Variants in HEPACAM observed in about 807,000 individuals in gnomAD.
HEPACAM encodes hepatic and glial cell adhesion molecule, also known as hepatocyte cell adhesion molecule.
Under a neutral mutation model 38.3 loss-of-function variants are expected in HEPACAM, and 18 were observed. That is an observed-to-expected ratio of 0.47 (90% CI 0.33 to 0.70). The LOEUF (loss-of-function observed/expected upper bound fraction) is 0.70. Ranked by LOEUF, HEPACAM falls within the 30% of genes least tolerant of loss-of-function variation. The pLI, the probability that HEPACAM is intolerant of heterozygous loss-of-function variation, is 0.03. For synonymous variants in HEPACAM, 216 were observed against 243.1 expected (o/e 0.89, Z 1.04); for missense variants, 466 against 563.0 (o/e 0.83, Z 1.74).
chr11:124,935,705 C>A (rs1270538146), intron 1 of HEPACAM, among the ~76,000 whole-genome samples: 1 of 152,186 alleles, frequency 6.6e-6, no homozygotes, highest in African/African-American at 2.4e-5. Flanking sequence ...AGTCATGCAG[C>A]CTTTTGGGGG....
rs145764344 is a variant in HEPACAM at position 124,926,489 on chromosome 11, A to G, written c.86-1420T>C. Among the ~76,000 whole-genome samples, 143 of 152,296 alleles carry G rather than the reference A, an allele frequency of 9.4e-4. 1 individual carries two copies. The highest frequency in any genetic ancestry group is 3.3e-3 in the African/African-American group (138 of 41,558). ...CCAATGGATGCCCTATCCAGAGGGCATTTCAGAGACCTCTTAGGAGCTTTG... is the reference window on the plus strand; with the variant it reads ...CCAATGGATGCCCTATCCAGAGGGCGTTTCAGAGACCTCTTAGGAGCTTTG... On this transcript the variant is annotated intron_variant, in intron 1 of 6. Coordinates refer to ENST00000298251, the MANE Select transcript of HEPACAM (RefSeq NM_152722.5).
At chr11:124,922,667 C>A (rs767685101) in intron 5 of HEPACAM, 78 bp downstream of exon 5, 1 of 1,614,002 alleles carries the variant, frequency 6.2e-7, no homozygotes, top group Non-Finnish European at 8.5e-7. Context: ...TTTTCCTTGT[C>A]GCCCAGTTCT....
At chr11:124,935,812 T>A in intron 1 of HEPACAM, 110 bp downstream of exon 1, 1 of 851,288 alleles carries the variant, frequency 1.2e-6, no homozygotes, top group Non-Finnish European at 2.0e-6. Context: ...GCAGCTGAAC[T>A]CTCCCCCACT....
At position 124,923,912 on chromosome 11, in the gene HEPACAM, G is replaced by A. The variant is rs1947173383; in HGVS notation, c.526C>T (p.Pro176Ser). 4.3e-6 allele frequency: 7 copies of A among 1,613,466 alleles called. No individual in the cohort carries two copies. The highest frequency in any genetic ancestry group is 5.9e-6 in the Non-Finnish European group (7 of 1,179,988). ...CCATCCTTCAGCCAGGTGTAGCTGG[G>A]CTTGGTGCCATTCTCATGTGAGCAG... ...LNCSHENGTK[P>S]SYTWLKDGKP... The change falls in exon 3 of 7, where the codon CCC (proline) becomes TCC (serine). Residue 176 changes from proline (P) to serine (S), a missense_variant. Transcript: ENST00000298251.
At position 124,924,060 on chromosome 11, in the gene HEPACAM, T is replaced by C; in HGVS notation, c.428-50A>G. ...TGTAAGTCATTGGCTAAGAAGTGTC[T>C]CCCTTCCCCTTTTTAGCTCCCTGCC... is the stretch of plus-strand genomic sequence containing the variant. On this transcript the variant is annotated intron_variant, in intron 2 of 6. Transcript: ENST00000298251. The surrounding 1 kb of genome is among the most constrained non-coding windows in gnomAD (Gnocchi z 4.4). 1 of 1,550,644 alleles carries C rather than the reference T, an allele frequency of 6.4e-7. No individual in the cohort carries two copies. The highest frequency in any genetic ancestry group is 8.7e-7 in the Non-Finnish European group (1 of 1,149,346).
intron 1 of HEPACAM, among the ~76,000 whole-genome samples, chr11:124,933,667 G>T (rs775940928): frequency 2.9e-4 from 44 of 152,078 alleles, no homozygotes; most frequent in Non-Finnish European, 6.2e-4. Context: ...TCAACTCACT[G>T]TCTCCATACC....
chr11:124,934,227 C>T (rs1324967851), intron 1 of HEPACAM, among the ~76,000 whole-genome samples: 1 of 152,158 alleles, frequency 6.6e-6, no homozygotes, highest in African/African-American at 2.4e-5. Context: ...GTCACTAGCT[C>T]CTGACTTTAC....
At chr11:124,922,261 T>C in intron 6 of HEPACAM, 127 bp downstream of exon 6, 1 of 1,034,276 alleles carries the variant, frequency 9.7e-7, no homozygotes, top group Non-Finnish European at 1.5e-6. Context: ...TTGAAACCAG[T>C]CCCTGGTGCC....
rs760856351 is a variant in HEPACAM at position 124,924,976 on chromosome 11, G to A, written c.179C>T (p.Thr60Ile). 5.0e-6 allele frequency: 8 copies of A among 1,613,070 alleles called. No homozygotes were observed. The Admixed American group carries it at 1.0e-4, about 20-fold the overall frequency. ...SALLSVQYSS[T>I]SSDRPVVKWQ... ...CTTCACTACAGGCCTGTCGCTGCTG[G>A]TACTGCTGTACTGCACAGAAAGCAG... The change falls in exon 2 of 7, where the codon ACC (threonine) becomes ATC (isoleucine). Residue 60 changes from threonine (T) to isoleucine (I), a missense_variant. Transcript: ENST00000298251. This position sits in a 1 kb window ranked among gnomAD's most constrained non-coding sequence, Gnocchi z 4.4.
chr11:124,922,737 G>A lies in HEPACAM; in HGVS notation c.877+8C>T, dbSNP rs201999470. The A allele has an allele frequency of 8.4e-5, 136 of 1,614,182 alleles. No individual in the cohort carries two copies. In the Admixed American group the frequency reaches 2.2e-3, roughly 26 times the overall value. On this transcript the variant is annotated splice_region_variant and intron_variant, in intron 5 of 6. Transcript: ENST00000298251. ...ATGGGATGGGTGATTGGGTGGCTGG[G>A]AGCTCACCTTCTGGTTTCAGGCGGT...
chr11:124,934,762 CTTTCT>C (rs1947322063), intron 1 of HEPACAM, among the ~76,000 whole-genome samples: 1 of 152,020 alleles, frequency 6.6e-6, no homozygotes, highest in Non-Finnish European at 1.5e-5. Flanking sequence ...TACAAACTTC[CTTTCT>C]TATTTTATTT....
Position 124,924,079 on chromosome 11 carries a change from C to T in HEPACAM, c.428-69G>A. The T allele has an allele frequency of 1.4e-6, 2 of 1,459,770 alleles. No homozygotes were observed. Among genetic ancestry groups the T allele is most frequent in the Non-Finnish European group, 9.3e-7 (1 of 1,075,040 alleles). The allele number at this position is 1,459,770 out of a possible 1,614,324, so 90.4% of individuals were successfully genotyped here. On this transcript the variant is annotated intron_variant, in intron 2 of 6. Coordinates refer to ENST00000298251, the MANE Select transcript of HEPACAM (RefSeq NM_152722.5). The surrounding 1 kb of genome is among the most constrained non-coding windows in gnomAD (Gnocchi z 4.4). ...AGTGTCTCCCTTCCCCTTTTTAGCTCCCTGCCTTCCAACACACCTTTAACA... is the reference window on the plus strand; with the variant it reads ...AGTGTCTCCCTTCCCCTTTTTAGCTTCCTGCCTTCCAACACACCTTTAACA...
At chr11:124,929,884 G>A (rs1047769517) in intron 1 of HEPACAM, among the ~76,000 whole-genome samples, 1 of 152,290 alleles carries the variant, frequency 6.6e-6, no homozygotes, top group South Asian at 2.1e-4. Context: ...CTGGGCCAAA[G>A]TTTCCTTTCG....
rs748115838 is a variant in HEPACAM, at chr11:124,923,428, T to G, written c.715A>C (p.Ser239Arg). ...LPVKITVYRR[S>R]SLYIILSTGG... ...GTAGACAAGATGATGTAAAGGGAGC[T>G]TCTTCCTAGGGAGAGAGAGAAGCAG... is the stretch of plus-strand genomic sequence containing the variant. Residue 239 changes from serine to arginine, a missense_variant, in exon 4 of 7, where the codon AGC becomes CGC. By Grantham distance (110) the Ser-to-Arg change is moderately radical. Transcript: ENST00000298251. 19 of 1,606,614 alleles carry G rather than the reference T, an allele frequency of 1.2e-5. No homozygotes were observed. The highest frequency in any genetic ancestry group is 1.5e-5 in the Non-Finnish European group (18 of 1,173,494).
chr11:124,925,306 C>A (rs1947194295), intron 1 of HEPACAM, among the ~76,000 whole-genome samples: 2 of 152,244 alleles, frequency 1.3e-5, no homozygotes, highest in South Asian at 2.1e-4. Flanking sequence ...TTCCACCTAG[C>A]CCTCTGCCTC....
In HEPACAM at chr11:124,924,611, T is replaced by G; in HGVS notation, c.427+117A>C. 1 of 898,950 alleles carries G rather than the reference T, an allele frequency of 1.1e-6. No homozygotes were observed. The highest frequency in any genetic ancestry group is 1.9e-6 in the Non-Finnish European group (1 of 532,942). 55.7% of individuals were successfully genotyped at this position (898,950 alleles called of 1,614,324 possible). A position where few individuals can be genotyped will look rare whatever the true frequency, so the allele number is the denominator to read the frequency against. ...AACTTCTAATGTCCACTTGCCTCAT[T>G]CTCAGCTCCCAAGTGCCTTTTGGGT... On this transcript the variant is annotated intron_variant, in intron 2 of 6. Coordinates refer to ENST00000298251, the MANE Select transcript of HEPACAM (RefSeq NM_152722.5). This position sits in a 1 kb window ranked among gnomAD's most constrained non-coding sequence, Gnocchi z 4.4.
At position 124,921,367 on chromosome 11, in the gene HEPACAM, G is replaced by C. The variant is rs1167087397; in HGVS notation, c.1022C>G (p.Ser341Cys). Residue 341 changes from serine to cysteine, a missense_variant, in exon 7 of 7, where the codon TCC (serine) becomes TGC (cysteine). Physicochemically the swap from Ser to Cys is moderately radical, Grantham distance 112 (BLOSUM62 -1). Transcript: ENST00000298251. The surrounding 1 kb of genome is among the most constrained non-coding windows in gnomAD (Gnocchi z 4.6). ...GCGGCCGGGCACGGCGGGAGACACG[G>C]AGTAGCCGGGCGGGCCGGGCTCCGT... ...SATEPGPPGY[S>C]VSPAVPGRSP... 7.9e-7 allele frequency: 1 copy of C among 1,271,640 alleles called. No homozygotes were observed. The highest frequency in any genetic ancestry group is 9.9e-7 in the Non-Finnish European group (1 of 1,012,242). The allele number at this position is 1,271,640 out of a possible 1,614,324, so 78.8% of individuals were successfully genotyped here. A position where few individuals can be genotyped will look rare whatever the true frequency, so the allele number is the denominator to read the frequency against.
Position 124,921,355 on chromosome 11 carries a change from G to C in HEPACAM, c.1034C>G (p.Ala345Gly). The C allele has an allele frequency of 7.9e-7, 1 of 1,269,864 alleles. No homozygotes were observed. Among genetic ancestry groups the C allele is most frequent in the Non-Finnish European group, 9.9e-7 (1 of 1,012,016 alleles). 78.7% of individuals were successfully genotyped at this position (1,269,864 alleles called of 1,614,324 possible). Residue 345 changes from alanine to glycine, a missense_variant, in exon 7 of 7, where the codon GCC becomes GGC. Physicochemically the swap from Ala to Gly is moderately conservative, Grantham distance 60. Coordinates refer to ENST00000298251, the MANE Select transcript of HEPACAM (RefSeq NM_152722.5). This position sits in a 1 kb window ranked among gnomAD's most constrained non-coding sequence, Gnocchi z 4.6. ...CAGCCCCGGCGAGCGGCCGGGCACG[G>C]CGGGAGACACGGAGTAGCCGGGCGG... is the stretch of plus-strand genomic sequence containing the variant. Reference protein sequence around the residue: ...PGPPGYSVSPAVPGRSPGLPI... With the variant: ...PGPPGYSVSPGVPGRSPGLPI...
At chr11:124,929,304 C>T (rs949332360) in intron 1 of HEPACAM, among the ~76,000 whole-genome samples, 1 of 152,212 alleles carries the variant, frequency 6.6e-6, no homozygotes, top group African/African-American at 2.4e-5. Flanking sequence ...TGCCTATGAA[C>T]ATGGGCATGT....
Sources: gnomAD v4.1 joint callset for allele counts (sites outside exome capture counted in the v4.1 genomes callset) on GRCh38, gnomAD v4.1.1 for gene constraint, Gnocchi (gnomAD v3.1) non-coding constraint, MANE v1.5 for transcripts, NCBI Gene and HGNC (gene_info 2026-07-23, HGNC 2026-07-21) for gene names.